The following SMC5 variants were observed in gnomAD, a reference collection of about 807,000 sequenced individuals.
The protein encoded by SMC5 is structural maintenance of chromosomes protein 5.
In SMC5, 88 loss-of-function variants were observed where a neutral mutation model predicts 148.3. The observed-to-expected ratio is 0.59, with a 90% CI of 0.50 to 0.71. The LOEUF (loss-of-function observed/expected upper bound fraction) is 0.71, where lower values mean the gene tolerates loss of function less well. Ranked by LOEUF, SMC5 falls within the 30% of genes least tolerant of loss-of-function variation. The pLI is 0.00. For missense variants in SMC5, 1,142 were observed against 1,298.9 expected (o/e 0.88, Z 1.86); for synonymous variants, 421 against 432.8 (o/e 0.97, Z 0.34).
intron 2 of SMC5, among the ~76,000 whole-genome samples, chr9:70,267,169 A>C (rs1436176882): frequency 6.6e-6 from 1 of 152,150 alleles, no homozygotes; most frequent in Non-Finnish European, 1.5e-5. Flanking sequence ...TATATAGTAA[A>C]TGCTTGATAA....
intron 18 of SMC5, 48 bp from the exon 19 acceptor site, chr9:70,346,557 G>T: frequency 6.3e-7 from 1 of 1,590,244 alleles, no homozygotes; most frequent in Non-Finnish European, 8.6e-7. Flanking sequence ...CTAACTTCTT[G>T]CTCTCTTTCA....
rs547843996 is a variant in SMC5, at chr9:70,307,112, G to C, written c.1578+1752G>C. 2.6e-5 allele frequency among the ~76,000 whole-genome samples: 4 copies of C among 152,140 alleles called. No homozygotes were observed. The East Asian group carries it at 7.7e-4, about 29-fold the overall frequency. On this transcript the variant is annotated intron_variant, in intron 11 of 24. Transcript: ENST00000361138. ...TTACAAAGTTAAAAACAAATAATAG[G>C]CCAGGCATGGTGGTTCATGCCTCTA...
In SMC5 at chr9:70,347,118, A is replaced by G; in HGVS notation, c.2621A>G (p.Glu874Gly). 4 of 1,614,012 alleles carry G rather than the reference A, an allele frequency of 2.5e-6. No individual in the cohort carries two copies. In the South Asian group the frequency reaches 3.3e-5, roughly 13 times the overall value. The change falls in exon 20 of 25, where the codon GAA becomes GGA. Residue 874 changes from glutamate (E) to glycine (G), a missense_variant. By Grantham distance (98) the Glu-to-Gly change is moderately conservative (BLOSUM62 -2). This residue lies in a region of SMC5 where 743 missense variants were observed against 835.7 expected (regional missense o/e 0.89). Transcript: ENST00000361138. ...GATGAAATTGATGCTTTATTAACTG[A>G]AGAAAGATCAAGAGCTTCCTGCTTC... Reference protein sequence around the residue: ...TLDEIDALLTEERSRASCFTG... With the variant: ...TLDEIDALLTGERSRASCFTG...
At position 70,280,929 on chromosome 9, in the gene SMC5, G is replaced by T. The variant is rs781619809; in HGVS notation, c.819+30G>T. ...GTCATAATTTTTAGAGGCAAAGTAC[G>T]TGTTTCTTTAAGTAGCAGAGTAATT... On this transcript the variant is annotated intron_variant, in intron 6 of 24. Transcript: ENST00000361138. 4 of 1,611,208 alleles carry T rather than the reference G, an allele frequency of 2.5e-6. No homozygotes were observed. In the Admixed American group the frequency reaches 6.7e-5, roughly 27 times the overall value.
intron 3 of SMC5, among the ~76,000 whole-genome samples, chr9:70,272,731 T>A (rs933241321): frequency 1.3e-5 from 2 of 152,202 alleles, no homozygotes; most frequent in Middle Eastern, 3.2e-3. Flanking sequence ...TAAGAACGTA[T>A]CTGCTACAGT....
In SMC5 at chr9:70,264,297, A is replaced by T; in HGVS notation, c.186-7A>T. ...CTCCTTAATAATTTCATCTCTTTAT[A>T]ATTCAGAACATATGATATTTGTGAA... is the stretch of plus-strand genomic sequence containing the variant. On this transcript the variant is annotated splice_polypyrimidine_tract_variant and splice_region_variant and intron_variant, in intron 1 of 24. Transcript: ENST00000361138. The T allele has an allele frequency of 1.9e-6, 3 of 1,606,248 alleles. No individual in the cohort carries two copies. The highest frequency in any genetic ancestry group is 2.6e-6 in the Non-Finnish European group (3 of 1,176,074).
chr9:70,312,119 TCA>T (rs1491551922), intron 11 of SMC5: 43 of 33,274 alleles, frequency 1.3e-3, no homozygotes, highest in African/African-American at 5.3e-3. Context: ...AGACACTGTC[TCA>T]AAAAAAAAAA....
intron 22 of SMC5, among the ~76,000 whole-genome samples, chr9:70,348,809 A>G (rs982686780): frequency 2.0e-5 from 3 of 152,142 alleles, no homozygotes; most frequent in Non-Finnish European, 2.9e-5. Flanking sequence ...TTTCTTTAAG[A>G]CAGGCAAAGG....
intron 8 of SMC5, among the ~76,000 whole-genome samples, chr9:70,290,210 G>C (rs1273985390): frequency 6.6e-6 from 1 of 152,054 alleles, no homozygotes; most frequent in African/African-American, 2.4e-5. Context: ...ACTTCCTCTG[G>C]CTTGCTAGGA....
At chr9:70,312,356 C>A (rs1234103538) in intron 11 of SMC5, among the ~76,000 whole-genome samples, 1 of 152,000 alleles carries the variant, frequency 6.6e-6, no homozygotes, top group Non-Finnish European at 1.5e-5. Context: ...CTCACTATCA[C>A]GAAACAGCAT....
chr9:70,273,725 T>C (rs1297366919), intron 3 of SMC5, among the ~76,000 whole-genome samples: 1 of 152,202 alleles, frequency 6.6e-6, no homozygotes, highest in African/African-American at 2.4e-5. Flanking sequence ...TGTAGTGATT[T>C]TCTTATTTTT....
chr9:70,319,055 C>A, intron 15 of SMC5, 92 bp downstream of exon 15: 1 of 1,117,184 alleles, frequency 9.0e-7, no homozygotes, highest in Non-Finnish European at 1.2e-6. Flanking sequence ...TTTCCACAAG[C>A]ACGCTTTGTA....
chr9:70,309,177 T>G (rs1187788568), intron 11 of SMC5, among the ~76,000 whole-genome samples: 3 of 152,140 alleles, frequency 2.0e-5, no homozygotes, highest in Admixed American at 6.6e-5. Context: ...TGGTAGTTGC[T>G]GAAGGTTGGG....
At chr9:70,326,497 A>C (rs1315907537) in intron 17 of SMC5, among the ~76,000 whole-genome samples, 1 of 152,138 alleles carries the variant, frequency 6.6e-6, no homozygotes, top group African/African-American at 2.4e-5. Context: ...GAAAGGAGAG[A>C]AAACTTTATA....
intron 24 of SMC5, 76 bp from the exon 25 acceptor site, chr9:70,352,115 A>G: frequency 8.0e-7 from 1 of 1,257,332 alleles, no homozygotes; most frequent in East Asian, 2.4e-5. Flanking sequence ...AATACATTTG[A>G]CTGTACACAT....
chr9:70,276,218 T>C (rs1476018496), intron 3 of SMC5, among the ~76,000 whole-genome samples: 1 of 152,246 alleles, frequency 6.6e-6, no homozygotes, highest in Non-Finnish European at 1.5e-5. Flanking sequence ...TATGGCTTTC[T>C]ATTGGACTGT....
At chr9:70,271,492 A>C (rs1186687136) in intron 3 of SMC5, among the ~76,000 whole-genome samples, 1 of 152,210 alleles carries the variant, frequency 6.6e-6, no homozygotes, top group African/African-American at 2.4e-5. Context: ...AATCTCTGGC[A>C]TGTATTTATG....
At chr9:70,334,188 T>C (rs2036298616) in intron 17 of SMC5, among the ~76,000 whole-genome samples, 1 of 151,780 alleles carries the variant, frequency 6.6e-6, no homozygotes, top group Non-Finnish European at 1.5e-5. Context: ...GAGTAATCTT[T>C]GTAACAAACA....
intron 11 of SMC5, among the ~76,000 whole-genome samples, chr9:70,308,343 C>T (rs2035561275): frequency 1.3e-5 from 2 of 151,762 alleles, no homozygotes; most frequent in Non-Finnish European, 2.9e-5. Flanking sequence ...CGGTGGCTCA[C>T]GCTCGTAATC....
Sources: allele counts gnomAD v4.1 joint callset (sites outside exome capture counted in the v4.1 genomes callset), GRCh38; gene constraint gnomAD v4.1.1; regional missense constraint gnomAD v4.1.1; transcripts MANE v1.5; gene names NCBI Gene and HGNC (gene_info 2026-07-23, HGNC 2026-07-21).